The following RP1 variants were observed in gnomAD, a reference collection of about 807,000 sequenced individuals.
The protein encoded by RP1 is RP1 axonemal microtubule associated, also known as oxygen-regulated protein 1.
A neutral mutation model predicts 14.8 loss-of-function variants in RP1; 16 were observed. The observed-to-expected ratio is 1.08, with a 90% CI of 0.73 to 1.65. The LOEUF is 1.65. Among genes scored for constraint, RP1 ranks in the 40% most tolerant of loss-of-function variants. The probability of loss-of-function intolerance (pLI) is 0.00; values close to 1 mark genes in which losing one functional copy is unlikely to be tolerated. For synonymous variants in RP1, 876 were observed against 883.6 expected (o/e 0.99, Z 0.15); for missense variants, 2,631 against 2,535.0 (o/e 1.04, Z -0.81).
intron 3 of RP1, among the ~76,000 whole-genome samples, chr8:54,646,044 C>T (rs1309407072): frequency 1.3e-5 from 2 of 151,928 alleles, no homozygotes; most frequent in Admixed American, 6.6e-5. Flanking sequence ...TTTTTCAAAT[C>T]GAGGCCTAGT....
intron 8 of RP1, among the ~76,000 whole-genome samples, chr8:54,675,420 G>A (rs944288408): frequency 2.6e-5 from 4 of 152,056 alleles, no homozygotes; most frequent in African/African-American, 4.8e-5. Context: ...GATAGGATAG[G>A]ATTTTATCAT....
At chr8:54,575,357 A>G (rs1276562261) in intron 1 of RP1, among the ~76,000 whole-genome samples, 1 of 151,994 alleles carries the variant, frequency 6.6e-6, no homozygotes, top group Non-Finnish European at 1.5e-5. Context: ...AGAACAAACA[A>G]TGTCTATTTC....
intron 1 of RP1, among the ~76,000 whole-genome samples, chr8:54,601,185 T>C (rs919517698): frequency 3.9e-5 from 6 of 152,196 alleles, no homozygotes; most frequent in Non-Finnish European, 7.3e-5. Flanking sequence ...ATGGGGTTTA[T>C]CAAAGATACC....
chr8:54,862,802 C>T (rs931450330), intron 27 of RP1, among the ~76,000 whole-genome samples: 1 of 152,054 alleles, frequency 6.6e-6, no homozygotes, highest in African/African-American at 2.4e-5. Context: ...AAACTAGTCA[C>T]ATAGTTCATC....
intron 12 of RP1, among the ~76,000 whole-genome samples, chr8:54,693,011 G>C (rs1478262360): frequency 6.6e-6 from 1 of 152,130 alleles, no homozygotes; most frequent in Non-Finnish European, 1.5e-5. Context: ...GTAAGGAAGG[G>C]ATCCAGTTTC....
At chr8:54,614,473 T>A (rs1323761861), upstream of RP1, among the ~76,000 whole-genome samples, 2 of 152,006 alleles carry the variant, frequency 1.3e-5, no homozygotes, top group Non-Finnish European at 2.9e-5. Context: ...CCAGGCCTAC[T>A]GAGTCAACCA....
chr8:54,678,530 G>A (rs1208557452), exon 9 of RP1: 3 of 1,533,290 alleles, frequency 2.0e-6, no homozygotes, highest in Non-Finnish European at 2.6e-6. Flanking sequence ...GCCTTCTTCT[G>A]TCACAGGTTT....
intron 22 of RP1, among the ~76,000 whole-genome samples, chr8:54,759,403 A>G (rs1809585583): frequency 6.6e-6 from 1 of 152,206 alleles, no homozygotes; most frequent in Admixed American, 6.5e-5. Context: ...CATTACTAAA[A>G]TTGTAGTGTT....
intron 1 of RP1, among the ~76,000 whole-genome samples, chr8:54,597,830 T>A (rs1805182777): frequency 6.6e-6 from 1 of 152,106 alleles, no homozygotes; most frequent in Admixed American, 6.5e-5. Context: ...CTTTGGGCTG[T>A]GGGTGGAAAT....
At chr8:54,830,250 G>A (rs914799951) in intron 24 of RP1, among the ~76,000 whole-genome samples, 2 of 151,054 alleles carry the variant, frequency 1.3e-5, no homozygotes, top group African/African-American at 4.9e-5. Context: ...TCTACTTGCT[G>A]AATTGACTCT....
intron 7 of RP1, among the ~76,000 whole-genome samples, chr8:54,670,116 A>G (rs1301972554): frequency 1.3e-5 from 2 of 152,014 alleles, no homozygotes; most frequent in Non-Finnish European, 2.9e-5. Flanking sequence ...ACCTACTATT[A>G]TTTTCTAGTT....
At chr8:54,562,579 C>G (rs576234550) in intron 1 of RP1, among the ~76,000 whole-genome samples, 1 of 151,580 alleles carries the variant, frequency 6.6e-6, no homozygotes, top group South Asian at 2.1e-4. Context: ...GAGGCCGAAG[C>G]AGAAGAATCG....
chr8:54,866,137 T>C (rs975287901), intron 28 of RP1, among the ~76,000 whole-genome samples: 1 of 152,174 alleles, frequency 6.6e-6, no homozygotes, highest in East Asian at 1.9e-4. Flanking sequence ...GAAAAAAGTA[T>C]GGTGAAATGG....
chr8:54,566,979 G>A (rs1409266670), intron 1 of RP1, among the ~76,000 whole-genome samples: 1 of 152,148 alleles, frequency 6.6e-6, no homozygotes, highest in East Asian at 1.9e-4. Context: ...AACCTCCCTG[G>A]TGGCAGGGAG....
At position 54,625,212 on chromosome 8, in the gene RP1, C is replaced by A. The variant is rs1805998195; in HGVS notation, c.1330C>A (p.His444Asn). 6.2e-7 allele frequency: 1 copy of A among 1,614,096 alleles called. No homozygotes were observed. Among genetic ancestry groups the A allele is most frequent in the Non-Finnish European group, 8.5e-7 (1 of 1,180,022 alleles). Residue 444 changes from histidine to asparagine, a missense_variant, in exon 4 of 4, where the codon CAT (histidine) becomes AAT (asparagine). By Grantham distance (68) the His-to-Asn change is moderately conservative (BLOSUM62 1). Transcript: ENST00000220676. ...IIQGTQDQAK[H>N]RFYRPPTPGL... is the part of the protein sequence containing the mutation. ...CCAGGGAACTCAAGACCAAGCAAAG[C>A]ATCGTTTTTATAGGCCCCCTACACC...
At chr8:54,844,829 A>C (rs1290990470) in intron 25 of RP1, among the ~76,000 whole-genome samples, 2 of 152,200 alleles carry the variant, frequency 1.3e-5, no homozygotes, top group Non-Finnish European at 2.9e-5. Context: ...GGAGATTGAG[A>C]AATCTTGGAT....
At chr8:54,584,384 G>C (rs1338093293) in intron 1 of RP1, among the ~76,000 whole-genome samples, 1 of 152,158 alleles carries the variant, frequency 6.6e-6, no homozygotes, top group Non-Finnish European at 1.5e-5. Flanking sequence ...TATAATTTCT[G>C]TTCTTTTGCA....
At position 54,697,771 on chromosome 8, in the gene RP1, A is replaced by G. The variant is rs933111785; in HGVS notation, c.1718-1696A>G. On this transcript the variant is annotated intron_variant, in intron 12 of 22. Transcript: ENST00000636932. ...AACCAACTGATCTTTGACAAACCTGACAAAAACAAGCAATGGGGAGAGGAT... is the reference window on the plus strand; with the variant it reads ...AACCAACTGATCTTTGACAAACCTGGCAAAAACAAGCAATGGGGAGAGGAT... Among the ~76,000 whole-genome samples the G allele has an allele frequency of 2.0e-5, 3 of 152,346 alleles. No individual in the cohort carries two copies. The East Asian group carries it at 5.8e-4, about 29-fold the overall frequency.
intron 24 of RP1, among the ~76,000 whole-genome samples, chr8:54,819,101 T>C (rs1297171083): frequency 6.6e-6 from 1 of 152,026 alleles, no homozygotes; most frequent in African/African-American, 2.4e-5. Context: ...CAATAACTCT[T>C]AAATTTGTGC....
Sources: allele counts gnomAD v4.1 joint callset (sites outside exome capture counted in the v4.1 genomes callset), GRCh38; gene constraint gnomAD v4.1.1; transcripts MANE v1.5; gene names NCBI Gene and HGNC (gene_info 2026-07-23, HGNC 2026-07-21).